ZRANB3: variants seen among roughly 807,000 people sequenced by gnomAD.
The protein encoded by ZRANB3 is zinc finger RANBP2-type containing 3.
In ZRANB3, 125 loss-of-function variants were observed where a neutral mutation model predicts 133.8. The ratio of observed to expected loss-of-function variants is 0.93; its 90% CI spans 0.81 to 1.08. The LOEUF is 1.08. Ranked by LOEUF, ZRANB3 falls within the 50% of genes least tolerant of loss-of-function variation. The pLI, the probability that ZRANB3 is intolerant of heterozygous loss-of-function variation, is 0.00. For synonymous variants in ZRANB3, 387 were observed against 432.7 expected (o/e 0.89, Z 1.31); for missense variants, 1,229 against 1,275.5 (o/e 0.96, Z 0.56).
intron 2 of ZRANB3, among the ~76,000 whole-genome samples, chr2:135,492,655 T>C (rs1692442837): frequency 6.6e-6 from 1 of 152,030 alleles, no homozygotes; most frequent in Non-Finnish European, 1.5e-5. Context: ...CAATGTTCAA[T>C]GAAAATTTAC....
intron 17 of ZRANB3, among the ~76,000 whole-genome samples, chr2:135,212,189 C>A (rs562080435): frequency 6.6e-6 from 1 of 152,314 alleles, no homozygotes; most frequent in African/African-American, 2.4e-5. Flanking sequence ...GTGCTCCAGT[C>A]TGGGCAGTAG....
At chr2:135,517,779 C>A (rs1693760973) in intron 1 of ZRANB3, among the ~76,000 whole-genome samples, 1 of 152,194 alleles carries the variant, frequency 6.6e-6, no homozygotes, top group African/African-American at 2.4e-5. Context: ...CTTAGCAGAG[C>A]TTGAGTGCTG....
rs947933553 is a variant in ZRANB3, at chr2:135,198,531, C to T, written c.*1811G>A. On this transcript the variant is annotated 3_prime_UTR_variant, in exon 21 of 21. Transcript: ENST00000264159. The stretch of plus-strand genomic sequence containing the variant: ...TGGATTGTTTCACCTCAAACCATCA[C>T]ACAGTTCTTACATCTGAGAACTTTC... 6.6e-6 allele frequency: 1 copy of T among 152,212 alleles called. No individual in the cohort carries two copies. Among genetic ancestry groups the T allele is most frequent in the Non-Finnish European group, 1.5e-5 (1 of 68,044 alleles). 9.4% of individuals were successfully genotyped at this position (152,212 alleles called of 1,614,324 possible).
At chr2:135,494,324 G>GA (rs1191471446) in intron 2 of ZRANB3, among the ~76,000 whole-genome samples, 3 of 132,430 alleles carry the variant, frequency 2.3e-5, no homozygotes, top group Admixed American at 1.6e-4. Context: ...AAAAAAAAAA[G>GA]AAAAGAAAAA....
intron 8 of ZRANB3, 125 bp from the exon 9 acceptor site, chr2:135,275,880 C>G: frequency 1.4e-6 from 1 of 692,068 alleles, no homozygotes; most frequent in Non-Finnish European, 2.1e-6. Context: ...CTGCATTGTT[C>G]TCTAGGTAGC....
At chr2:135,478,545 G>A (rs1014974675) in intron 2 of ZRANB3, among the ~76,000 whole-genome samples, 8 of 152,086 alleles carry the variant, frequency 5.3e-5, no homozygotes, top group Non-Finnish European at 1.2e-4. Context: ...TAACTCTTAT[G>A]TAAATGGACA....
intron 1 of ZRANB3, among the ~76,000 whole-genome samples, chr2:135,512,712 CA>C (rs542629643): frequency 1.3e-4 from 19 of 145,202 alleles, no homozygotes; most frequent in Non-Finnish European, 2.3e-4. Context: ...AGGTTTCAGG[CA>C]AAAAAAAATT....
At chr2:135,362,153 G>A (rs569827836) in intron 3 of ZRANB3, among the ~76,000 whole-genome samples, 17 of 150,400 alleles carry the variant, frequency 1.1e-4, no homozygotes, top group Non-Finnish European at 2.4e-4. Flanking sequence ...AGCTGAGATC[G>A]CGCCACTGCA....
intron 12 of ZRANB3, among the ~76,000 whole-genome samples, chr2:135,254,944 G>T (rs1238640737): frequency 6.6e-6 from 1 of 151,894 alleles, no homozygotes; most frequent in Non-Finnish European, 1.5e-5. Context: ...GTAGAGATGG[G>T]AGTTCACCAT....
chr2:135,442,194 T>A (rs891875081), intron 2 of ZRANB3, among the ~76,000 whole-genome samples: 1 of 151,770 alleles, frequency 6.6e-6, no homozygotes, highest in Admixed American at 6.6e-5. Flanking sequence ...AATAGACAAA[T>A]GGGATCTAAT....
intron 2 of ZRANB3, among the ~76,000 whole-genome samples, chr2:135,431,574 C>A (rs1689325402): frequency 6.6e-6 from 1 of 151,984 alleles, no homozygotes; most frequent in Non-Finnish European, 1.5e-5. Context: ...GAACTTATAT[C>A]CAGAATATAT....
At chr2:135,381,621 T>C (rs185122836) in intron 3 of ZRANB3, among the ~76,000 whole-genome samples, 1 of 152,232 alleles carries the variant, frequency 6.6e-6, no homozygotes, top group African/African-American at 2.4e-5. Flanking sequence ...ACACCACACA[T>C]GGCCGGGTAT....
chr2:135,260,322 G>A (rs1284432423), intron 12 of ZRANB3, among the ~76,000 whole-genome samples: 1 of 152,162 alleles, frequency 6.6e-6, no homozygotes, highest in Non-Finnish European at 1.5e-5. Flanking sequence ...TGACCCTGGT[G>A]ATGGACTCCA....
intron 13 of ZRANB3, among the ~76,000 whole-genome samples, chr2:135,229,039 T>C (rs1387602167): frequency 1.3e-5 from 2 of 152,210 alleles, no homozygotes; most frequent in African/African-American, 2.4e-5. Flanking sequence ...ACTAACATTA[T>C]TTTATAGTCA....
chr2:135,502,178 A>G (rs1285223334), intron 2 of ZRANB3, among the ~76,000 whole-genome samples: 1 of 152,152 alleles, frequency 6.6e-6, no homozygotes, highest in Non-Finnish European at 1.5e-5. Flanking sequence ...CCAAGTTTCC[A>G]TTTGCCAAAA....
At chr2:135,298,521 G>A (rs1682272421) in intron 8 of ZRANB3, among the ~76,000 whole-genome samples, 1 of 152,162 alleles carries the variant, frequency 6.6e-6, no homozygotes, top group Non-Finnish European at 1.5e-5. Context: ...ATCCCCTGAT[G>A]TGGTGCTCGC....
intron 3 of ZRANB3, among the ~76,000 whole-genome samples, chr2:135,381,592 C>T (rs1574007112): frequency 6.6e-6 from 1 of 152,164 alleles, no homozygotes; most frequent in African/African-American, 2.4e-5. Context: ...GGGAGGCACC[C>T]CTAAGTAGGG....
At chr2:135,280,265 T>C (rs1262968900) in intron 8 of ZRANB3, among the ~76,000 whole-genome samples, 1 of 152,314 alleles carries the variant, frequency 6.6e-6, no homozygotes, top group Non-Finnish European at 1.5e-5. Context: ...CTATACATTA[T>C]ATCTTATTTA....
At chr2:135,249,724 T>C (rs1679291317) in intron 12 of ZRANB3, among the ~76,000 whole-genome samples, 2 of 152,354 alleles carry the variant, frequency 1.3e-5, no homozygotes, top group Non-Finnish European at 1.5e-5. Context: ...TTTTGCTTCC[T>C]TCTCATTTTC....
Sources: gnomAD v4.1 joint callset for allele counts (sites outside exome capture counted in the v4.1 genomes callset) on GRCh38, gnomAD v4.1.1 for gene constraint, MANE v1.5 for transcripts, NCBI Gene and HGNC (gene_info 2026-07-23, HGNC 2026-07-21) for gene names.